Variants in UPRT observed in about 807,000 individuals in gnomAD.
UPRT encodes RP11-311P8.3.
In UPRT, 5 loss-of-function variants were observed where a neutral mutation model predicts 22.6. The observed-to-expected ratio is 0.22, with a 90% CI of 0.12 to 0.47. The LOEUF is 0.47. UPRT is among the 20% of genes least tolerant of loss of function. UPRT has a pLI of 0.99. For missense variants in UPRT, 181 were observed against 239.9 expected, an observed-to-expected ratio of 0.75 and a Z score of 1.62; for synonymous variants, 77 against 87.7, an observed-to-expected ratio of 0.88 and a Z score of 0.68.
intron 4 of UPRT, among the ~76,000 whole-genome samples, chrX:75,212,925 T>C (rs1464727727): frequency 8.9e-6 from 1 of 112,313 alleles, no homozygotes; most frequent in Non-Finnish European, 1.9e-5. Flanking sequence ...ATCCTGCACA[T>C]GTATCATCTG....
At chrX:75,188,454 T>C (rs559212524) in intron 4 of UPRT, among the ~76,000 whole-genome samples, 6 of 112,413 alleles carry the variant, frequency 5.3e-5, no homozygotes, top group East Asian at 2.8e-4. Flanking sequence ...TTTAAGTCTG[T>C]AGAGGTTACT....
chrX:75,298,147 T>G (rs1569285919), intron 4 of UPRT, among the ~76,000 whole-genome samples: 1 of 108,605 alleles, frequency 9.2e-6, no homozygotes, highest in Non-Finnish European at 1.9e-5. Flanking sequence ...CCTAGCAAAT[T>G]AAAAAACAAT....
chrX:75,177,773 C>A (rs745634314), intron 4 of UPRT, among the ~76,000 whole-genome samples: 2 of 111,903 alleles, frequency 1.8e-5, no homozygotes, highest in African/African-American at 6.5e-5. Flanking sequence ...GGGCTTTGGG[C>A]AAAAATTATG....
In UPRT at chrX:75,201,802, C is replaced by T. The variant is rs898662375; in HGVS notation, c.-447+33923C>T. 7.0e-5 allele frequency: 8 copies of T among 114,694 alleles called. No homozygotes were observed. In the East Asian group the frequency reaches 2.2e-3, roughly 31 times the overall value. The allele number at this position is 114,694 out of a possible 1,213,427, so 9.5% of individuals were successfully genotyped here. On this transcript the variant is annotated intron_variant, in intron 4 of 13. Transcript: ENST00000652605. ...GCTGCTCTAGCTGAGGTCCTTGGGCCCTGACCCCTCTCCACCCTGGACTCT... is the reference window on the plus strand; with the variant it reads ...GCTGCTCTAGCTGAGGTCCTTGGGCTCTGACCCCTCTCCACCCTGGACTCT...
At chrX:75,189,507 G>A (rs187621191) in intron 4 of UPRT, among the ~76,000 whole-genome samples, 1 of 111,920 alleles carries the variant, frequency 8.9e-6, no homozygotes, top group East Asian at 2.8e-4. Context: ...TCTGCTTGGT[G>A]CAGAGCTGAG....
chrX:75,206,631 G>T (rs2082367812), intron 4 of UPRT, among the ~76,000 whole-genome samples: 1 of 110,639 alleles, frequency 9.0e-6, no homozygotes, highest in African/African-American at 3.3e-5. Flanking sequence ...GTTTTGCCTG[G>T]GTATATACAG....
At chrX:75,213,435 G>T (rs959473842) in intron 4 of UPRT, among the ~76,000 whole-genome samples, 1 of 111,709 alleles carries the variant, frequency 9.0e-6, no homozygotes, top group Non-Finnish European at 1.9e-5. Flanking sequence ...TTTGGCAACA[G>T]AATCTATGAG....
intron 4 of UPRT, among the ~76,000 whole-genome samples, chrX:75,235,268 C>G (rs914820204): frequency 2.7e-5 from 3 of 111,711 alleles, no homozygotes; most frequent in Non-Finnish European, 5.6e-5. Flanking sequence ...AGAGCAATAA[C>G]AGGCTCTGAC....
At position 75,274,438 on chromosome X, in the gene UPRT, G is replaced by A. The variant is rs2082622318; in HGVS notation, c.184G>A (p.Ala62Thr). Residue 62 changes from alanine to threonine, a missense_variant, in exon 1 of 7, where the codon GCC (alanine) becomes ACC (threonine). Around this residue, in one of 2 missense-constraint regions of UPRT, gnomAD observed 111 missense variants for 102.8 expected, o/e 1.08. Transcript: ENST00000373383. ...LTGYAHSSLP[A>T]ELDSGACGGS... ...GGGGTACGCCCATTCTAGCCTGCCG[G>A]CCGAGCTGGACTCTGGGGCCTGCGG... The A allele has an allele frequency of 3.3e-6, 4 of 1,209,712 alleles. No individual in the cohort carries two copies. The highest frequency in any genetic ancestry group is 3.4e-6 in the Non-Finnish European group (3 of 895,129).
At chrX:75,287,330 TAAG>T (rs1212992412) in intron 1 of UPRT, among the ~76,000 whole-genome samples, 1 of 111,615 alleles carries the variant, frequency 9.0e-6, no homozygotes, top group Non-Finnish European at 1.9e-5. Flanking sequence ...TGAGGCTTAG[TAAG>T]AAGATGGGAG....
rs143739501 is a variant in UPRT at position 75,264,757 on chromosome X, G to A, written c.-446-26267G>A. ...ATGACGTTAGCTGGTTATTCTGCTC[G>A]TTAGTTGATGCAGTTTCTTCCCAGC... On this transcript the variant is annotated intron_variant, in intron 4 of 13. Coordinates refer to the UPRT transcript ENST00000652605. Among the ~76,000 whole-genome samples the A allele has an allele frequency of 1.1e-3, 121 of 111,528 alleles. 3 individuals carry two copies. Among genetic ancestry groups the A allele is most frequent in the East Asian group, 7.1e-3 (25 of 3,539 alleles).
At chrX:75,188,732 G>GT (rs375304007) in intron 4 of UPRT, among the ~76,000 whole-genome samples, 7 of 112,656 alleles carry the variant, frequency 6.2e-5, no homozygotes, top group African/African-American at 2.3e-4. Context: ...CTGGTGCCCC[G>GT]TTTTTTAAGC....
intron 4 of UPRT, among the ~76,000 whole-genome samples, chrX:75,229,373 A>G (rs750713500): frequency 8.9e-6 from 1 of 112,405 alleles, no homozygotes; most frequent in South Asian, 3.7e-4. Context: ...AAATTTTGAA[A>G]GCCAGGAAAG....
At chrX:75,163,311 C>G (rs1396733173) in intron 3 of UPRT, among the ~76,000 whole-genome samples, 3 of 111,901 alleles carry the variant, frequency 2.7e-5, no homozygotes, top group Admixed American at 9.5e-5. Flanking sequence ...GGACAGGACC[C>G]TCTTTTAAAG....
chrX:75,275,469 T>C (rs1329568497), intron 1 of UPRT, among the ~76,000 whole-genome samples: 1 of 111,344 alleles, frequency 9.0e-6, no homozygotes, highest in Non-Finnish European at 1.9e-5. Context: ...GGACATGCCT[T>C]GATCTTTTAA....
chrX:75,261,517 CAAT>C (rs1163434379), intron 4 of UPRT, among the ~76,000 whole-genome samples: 1 of 111,614 alleles, frequency 9.0e-6, no homozygotes, highest in Non-Finnish European at 1.9e-5. Context: ...GAAATTGAAG[CAAT>C]AATTAATAGC....
intron 4 of UPRT, among the ~76,000 whole-genome samples, chrX:75,249,191 C>T (rs745956042): frequency 3.6e-5 from 4 of 111,555 alleles, no homozygotes; most frequent in African/African-American, 1.3e-4. Flanking sequence ...ATGACAGGAT[C>T]AAATTCACAC....
chrX:75,183,055 G>A (rs2082276156), intron 4 of UPRT, among the ~76,000 whole-genome samples: 1 of 108,916 alleles, frequency 9.2e-6, no homozygotes, highest in Non-Finnish European at 1.9e-5. Context: ...TAAGTTCTAG[G>A]GTACATGTGC....
chrX:75,180,681 G>GTTT (rs59522302), intron 4 of UPRT, among the ~76,000 whole-genome samples: 4 of 43,890 alleles, frequency 9.1e-5, no homozygotes, highest in African/African-American at 2.8e-4. Context: ...CCTTTTCTCT[G>GTTT]TTTTTTTTTT....
Sources: gnomAD v4.1 joint callset for allele counts (sites outside exome capture counted in the v4.1 genomes callset) on GRCh38, gnomAD v4.1.1 for gene constraint, gnomAD v4.1.1 regional missense constraint, MANE v1.5 for transcripts, NCBI Gene and HGNC (gene_info 2026-07-23, HGNC 2026-07-21) for gene names.